SLC30A6: variants seen among roughly 807,000 people sequenced by gnomAD.
SLC30A6 encodes zinc transporter 6.
A neutral mutation model predicts 63.0 loss-of-function variants in SLC30A6; 55 were observed. The ratio of observed to expected loss-of-function variants is 0.87; its 90% CI spans 0.70 to 1.09. The LOEUF (loss-of-function observed/expected upper bound fraction) is 1.09, where lower values mean the gene tolerates loss of function less well. SLC30A6 is among the 50% of genes least tolerant of loss of function. The pLI is 0.00. For missense variants in SLC30A6, 587 were observed against 549.2 expected, an observed-to-expected ratio of 1.07 and a Z score of -0.69; for synonymous variants, 224 against 186.1, an observed-to-expected ratio of 1.20 and a Z score of -1.66.
chr2:32,197,124 T>G (rs1558403587), intron 8 of SLC30A6, among the ~76,000 whole-genome samples: 1 of 152,156 alleles, frequency 6.6e-6, no homozygotes, highest in Non-Finnish European at 1.5e-5. Context: ...ATAAATTCCT[T>G]CAGGTCAACT....
intron 8 of SLC30A6, among the ~76,000 whole-genome samples, chr2:32,194,279 A>G (rs2148857699): frequency 6.6e-6 from 1 of 152,368 alleles, no homozygotes; most frequent in South Asian, 2.1e-4. Flanking sequence ...TGTGTAATCT[A>G]TCTAAGAAAA....
rs76047966 is a variant in SLC30A6, at chr2:32,218,924, A to G, written c.886-1289A>G. ...ACCTGATTTCCAGTCATCTATACCT[A>G]CAATTTTTCTGAACTCTGATTATTT... On this transcript the variant is annotated intron_variant, in intron 13 of 13. Transcript: ENST00000282587. 6.0e-3 allele frequency among the ~76,000 whole-genome samples: 908 copies of G among 152,214 alleles called. 11 individuals carry two copies. The highest frequency in any genetic ancestry group is 0.02 in the African/African-American group (849 of 41,520).
Position 32,220,849 on chromosome 2 carries a change from C to A in SLC30A6, c.*136C>A, listed in dbSNP as rs777086232. ...GTAGTCTTGTTCACATTTCATGAAA[C>A]CTATGAAACTATATTTTTGTAAAAT... On this transcript the variant is annotated 3_prime_UTR_variant, in exon 14 of 14. Transcript: ENST00000282587. 3 of 798,886 alleles carry A rather than the reference C, an allele frequency of 3.8e-6. No homozygotes were observed. Among genetic ancestry groups the A allele is most frequent in the Admixed American group, 3.0e-5 (1 of 33,068 alleles). 49.5% of individuals were successfully genotyped at this position (798,886 alleles called of 1,614,324 possible).
chr2:32,183,474 G>A (rs1207233653), intron 4 of SLC30A6, among the ~76,000 whole-genome samples: 1 of 151,820 alleles, frequency 6.6e-6, no homozygotes, highest in Non-Finnish European at 1.5e-5. Context: ...TTGAGACCAG[G>A]AGTTCAAGAC....
chr2:32,214,366 C>G (rs771161341), intron 13 of SLC30A6: 1 of 151,954 alleles, frequency 6.6e-6, no homozygotes, highest in Non-Finnish European at 1.5e-5. Context: ...CCCAAATTGC[C>G]TTCTAGAATG....
chr2:32,167,386 T>C (rs1680777381), intron 1 of SLC30A6, among the ~76,000 whole-genome samples: 1 of 150,476 alleles, frequency 6.6e-6, no homozygotes, highest in Non-Finnish European at 1.5e-5. Flanking sequence ...CAAACTCTTT[T>C]TTTTTTTTTT....
chr2:32,203,838 TG>T, intron 10 of SLC30A6: 1 of 1,402,020 alleles, frequency 7.1e-7, no homozygotes, highest in South Asian at 1.2e-5. Context: ...GACAGAGGAG[TG>T]GTTGGTCAAG....
intron 2 of SLC30A6, among the ~76,000 whole-genome samples, chr2:32,173,503 AG>A (rs1373527493): frequency 6.6e-6 from 1 of 151,760 alleles, no homozygotes; most frequent in African/African-American, 2.4e-5. Context: ...CCTCCCAAGT[AG>A]CTGGAAATAG....
At chr2:32,199,591 A>G (rs569713310) in intron 10 of SLC30A6, among the ~76,000 whole-genome samples, 3 of 152,182 alleles carry the variant, frequency 2.0e-5, no homozygotes, top group Non-Finnish European at 4.4e-5. Context: ...TAAAATGTAC[A>G]ATAAATTATT....
chr2:32,210,480 A>C (rs906743626), intron 13 of SLC30A6, among the ~76,000 whole-genome samples: 11 of 130,476 alleles, frequency 8.4e-5, no homozygotes, highest in Admixed American at 3.8e-4. Context: ...ACGCCATTGC[A>C]CTCTAGCCTG....
At chr2:32,199,133 G>A (rs1481454893) in intron 10 of SLC30A6, among the ~76,000 whole-genome samples, 3 of 152,128 alleles carry the variant, frequency 2.0e-5, no homozygotes, top group African/African-American at 7.2e-5. Context: ...TGTCCTCAAG[G>A]TTCATCTATG....
intron 5 of SLC30A6, chr2:32,187,207 TC>T (rs1306959101): frequency 2.1e-6 from 1 of 470,998 alleles, no homozygotes; most frequent in Non-Finnish European, 4.4e-6. Flanking sequence ...TCTCCACCAA[TC>T]CGAAATGATG....
rs1463263451 is a variant in SLC30A6 at position 32,221,657 on chromosome 2, T to C, written c.*944T>C. ...TTTTAGCAGAAATTTTGGAATACAT[T>C]CTATCTAGCACAATTTGAATTTTTA... On this transcript the variant is annotated 3_prime_UTR_variant, in exon 14 of 14. Coordinates refer to ENST00000282587, the MANE Select transcript of SLC30A6 (RefSeq NM_017964.5). 7 of 152,222 alleles carry C rather than the reference T, an allele frequency of 4.6e-5. No individual in the cohort carries two copies. Among genetic ancestry groups the C allele is most frequent in the African/African-American group, 1.7e-4 (7 of 41,462 alleles). 9.4% of individuals were successfully genotyped at this position (152,222 alleles called of 1,614,324 possible).
intron 11 of SLC30A6, among the ~76,000 whole-genome samples, 168 bp from the exon 12 acceptor site, chr2:32,206,718 G>A (rs1684808075): frequency 6.6e-6 from 1 of 152,080 alleles, no homozygotes; most frequent in Non-Finnish European, 1.5e-5. Context: ...AGTTGATGAT[G>A]TTGTTCCACT....
intron 13 of SLC30A6, among the ~76,000 whole-genome samples, chr2:32,213,441 G>C (rs1247714768): frequency 6.6e-6 from 1 of 151,824 alleles, no homozygotes; most frequent in Non-Finnish European, 1.5e-5. Context: ...AGTTGCAGCT[G>C]CTTTTCTCAT....
At chr2:32,188,426 G>T (rs1255451114) in intron 5 of SLC30A6, among the ~76,000 whole-genome samples, 1 of 152,166 alleles carries the variant, frequency 6.6e-6, no homozygotes. Flanking sequence ...GGGTGTGGTG[G>T]CTTATGCCTA....
Position 32,220,541 on chromosome 2 carries a change from A to C in SLC30A6, c.1214A>C (p.Gln405Pro). 1 of 1,614,230 alleles carries C rather than the reference A, an allele frequency of 6.2e-7. No individual in the cohort carries two copies. The change falls in exon 14 of 14, where the codon CAA becomes CCA. Residue 405 changes from glutamine to proline, a missense_variant. Physicochemically the swap from Gln to Pro is moderately conservative, Grantham distance 76. Transcript: ENST00000282587. ...NVNPVILLNT[Q>P]TRPYGFGLNH... ...AACCCAGTTATTCTTCTAAACACAC[A>C]AACAAGGCCTTATGGTTTTGGTCTC...
chr2:32,204,484 C>T, intron 10 of SLC30A6, 106 bp from the exon 11 acceptor site: 34 of 557,558 alleles, frequency 6.1e-5, no homozygotes, highest in East Asian at 1.7e-4. Flanking sequence ...AAATTGTGTC[C>T]TGTTGCTCAG....
At chr2:32,204,811 A>ATT (rs71407425) in intron 11 of SLC30A6, 119 bp downstream of exon 11, 3,976 of 182,448 alleles carry the variant, frequency 0.022, 3 homozygotes, top group Non-Finnish European at 0.031. Context: ...TTTAATTTTA[A>ATT]TTTTTTTTTT....
Sources: gnomAD v4.1 joint callset for allele counts (sites outside exome capture counted in the v4.1 genomes callset) on GRCh38, gnomAD v4.1.1 for gene constraint, MANE v1.5 for transcripts, NCBI Gene and HGNC (gene_info 2026-07-23, HGNC 2026-07-21) for gene names.